DNAH14: variants seen among roughly 807,000 people sequenced by gnomAD.
The protein encoded by DNAH14 is dynein axonemal heavy chain 14.
DNAH14 carries 478 observed loss-of-function variants against 520.9 expected under a neutral mutation model. That is an observed-to-expected ratio of 0.92 (90% CI 0.85 to 0.99). The LOEUF (loss-of-function observed/expected upper bound fraction) is 0.99. Ranked by LOEUF, DNAH14 falls within the 50% of genes least tolerant of loss-of-function variation. The pLI, the probability that DNAH14 is intolerant of heterozygous loss-of-function variation, is 0.00. For synonymous variants in DNAH14, 1,581 were observed against 1,757.2 expected, an observed-to-expected ratio of 0.90 and a Z score of 2.51; for missense variants, 4,831 against 5,234.5, an observed-to-expected ratio of 0.92 and a Z score of 2.38.
At chr1:225,112,626 C>T (rs11487462) in intron 23 of DNAH14, among the ~76,000 whole-genome samples, 7,364 of 151,972 alleles carry the variant, frequency 0.048, 515 homozygotes, top group African/African-American at 0.16. Flanking sequence ...TTTTATTTTT[C>T]TAGCTGCTAT....
intron 71 of DNAH14, among the ~76,000 whole-genome samples, chr1:225,348,151 A>C (rs987397834): frequency 1.3e-5 from 2 of 152,184 alleles, no homozygotes; most frequent in African/African-American, 4.8e-5. Context: ...ACTTGAAGAC[A>C]GGTCATTTGA....
intron 8 of DNAH14, among the ~76,000 whole-genome samples, chr1:224,988,369 A>T (rs2062801566): frequency 6.6e-6 from 1 of 152,150 alleles, no homozygotes; most frequent in African/African-American, 2.4e-5. Flanking sequence ...CATTCATGAA[A>T]AAGCTCAACA....
At chr1:225,328,879 A>G (rs1373639632) in intron 64 of DNAH14, among the ~76,000 whole-genome samples, 1 of 152,208 alleles carries the variant, frequency 6.6e-6, no homozygotes, top group Non-Finnish European at 1.5e-5. Flanking sequence ...GAAAGTGCAA[A>G]CAACCCATAA....
chr1:225,113,984 A>G (rs1188083849), intron 23 of DNAH14, among the ~76,000 whole-genome samples: 3 of 152,220 alleles, frequency 2.0e-5, no homozygotes, highest in African/African-American at 7.2e-5. Context: ...ATTGTAGCCA[A>G]GCTGGTACCT....
At chr1:225,389,359 G>T (rs1300316398) in intron 82 of DNAH14, among the ~76,000 whole-genome samples, 1 of 152,220 alleles carries the variant, frequency 6.6e-6, no homozygotes, top group Non-Finnish European at 1.5e-5. Context: ...GTGCCAGGCT[G>T]CTTCCTATAC....
intron 8 of DNAH14, among the ~76,000 whole-genome samples, chr1:224,985,436 T>C (rs1252127268): frequency 6.6e-6 from 1 of 151,898 alleles, no homozygotes; most frequent in East Asian, 1.9e-4. Context: ...AGCATAAGAA[T>C]GATACAATGG....
In DNAH14 at chr1:225,398,539, C is replaced by G. The variant is rs1274932841; in HGVS notation, c.13511C>G (p.Thr4504Ser). 5.8e-6 allele frequency: 9 copies of G among 1,551,576 alleles called. No homozygotes were observed. Among genetic ancestry groups the G allele is most frequent in the Non-Finnish European group, 7.8e-6 (9 of 1,146,966 alleles). The change falls in exon 85 of 86, where the codon ACT becomes AGT. Residue 4504 changes from threonine (T) to serine (S), a missense_variant. Coordinates refer to ENST00000682510, the MANE Select transcript of DNAH14 (RefSeq NM_001367479.1). ...TCTTAGGGCTCAGCTTCCTCTCACA[C>G]TGGAGTTTACATTTTTGGTTTATTC... ...RAFKGSASSH[T>S]GVYIFGLFIE...
rs574098608 is a variant in DNAH14 at position 224,967,572 on chromosome 1, T to C, written c.640T>C (p.Phe214Leu). Reference sequence around the variant, plus strand: ...AGAATTTTGGGTTATTACTGCTTCATTTATCTCAAAGGTAATGTTTAATGG... The same window carrying C: ...AGAATTTTGGGTTATTACTGCTTCACTTATCTCAAAGGTAATGTTTAATGG... The part of the protein sequence containing the change: ...CKEFWVITAS[F>L]ISKVINIVGS... The change falls in exon 6 of 86, where the codon TTT becomes CTT. Residue 214 changes from phenylalanine (F) to leucine (L), a missense_variant. Transcript: ENST00000682510. 3.1e-6 allele frequency: 5 copies of C among 1,602,768 alleles called. No homozygotes were observed. The Admixed American group carries it at 8.7e-5, about 28-fold the overall frequency.
rs532438104 is a variant in DNAH14, at chr1:225,260,504, G to A, written c.7157+1251G>A. Among the ~76,000 whole-genome samples the A allele has an allele frequency of 9.2e-5, 14 of 152,138 alleles. No individual in the cohort carries two copies. The South Asian group carries it at 2.7e-3, about 29-fold the overall frequency. ...GGTTTATTTCTGGGCCCTTTATCCT[G>A]TTTCATTGGTCTATATGTTGGTTAT... On this transcript the variant is annotated intron_variant, in intron 46 of 85. Coordinates refer to ENST00000682510, the MANE Select transcript of DNAH14 (RefSeq NM_001367479.1).
At chr1:225,334,635 T>C (rs546612091) in intron 66 of DNAH14, among the ~76,000 whole-genome samples, 2 of 152,300 alleles carry the variant, frequency 1.3e-5, no homozygotes, top group East Asian at 3.9e-4. Flanking sequence ...TTTTTCAATA[T>C]TATCCATTAT....
chr1:224,974,249 A>T, intron 8 of DNAH14, 96 bp downstream of exon 8: 1 of 776,798 alleles, frequency 1.3e-6, no homozygotes, highest in Non-Finnish European at 1.9e-6. Context: ...TCATTCAGTG[A>T]TTAGAAAGTC....
intron 21 of DNAH14, among the ~76,000 whole-genome samples, chr1:225,091,549 A>G (rs997419849): frequency 1.3e-5 from 2 of 152,186 alleles, no homozygotes; most frequent in African/African-American, 2.4e-5. Flanking sequence ...ATTTGTTACC[A>G]CCAAACCTGC....
chr1:225,082,171 G>GT (rs140150743), intron 19 of DNAH14, among the ~76,000 whole-genome samples: 1 of 145,322 alleles, frequency 6.9e-6, no homozygotes, highest in African/African-American at 2.5e-5. Context: ...GAATGTTTGT[G>GT]GTGTGTGTGT....
chr1:225,009,037 A>G (rs975798804), intron 10 of DNAH14, among the ~76,000 whole-genome samples: 1 of 151,174 alleles, frequency 6.6e-6, no homozygotes. Flanking sequence ...GATTGTAAAA[A>G]TTTTCTCCCA....
At chr1:225,257,906 AGGTG>A in intron 44 of DNAH14, 50 bp from the exon 45 acceptor site, 1 of 1,074,886 alleles carries the variant, frequency 9.3e-7, no homozygotes, top group East Asian at 2.8e-5. Context: ...AAAAAAGATG[AGGTG>A]AATAGTACTT....
At chr1:225,055,055 T>C (rs1044766707) in intron 17 of DNAH14, among the ~76,000 whole-genome samples, 5 of 152,112 alleles carry the variant, frequency 3.3e-5, no homozygotes, top group Non-Finnish European at 5.9e-5. Context: ...CCTCTTTTTT[T>C]TTTACTGTGT....
rs2095990291 is a variant in DNAH14 at position 225,395,233 on chromosome 1, A to G, written c.13491+2782A>G. ...CAATATGATTTATTAAAAGATCCTA[A>G]GGTTGAATCATCTTAATTGTAATAT... On this transcript the variant is annotated intron_variant, in intron 84 of 85. Transcript: ENST00000682510. Among the ~76,000 whole-genome samples, 4 of 152,230 alleles carry G rather than the reference A, an allele frequency of 2.6e-5. No homozygotes were observed. In the South Asian group the frequency reaches 8.3e-4, roughly 32 times the overall value.
chr1:225,131,719 A>T (rs1468606673), intron 27 of DNAH14, among the ~76,000 whole-genome samples: 3 of 152,220 alleles, frequency 2.0e-5, no homozygotes, highest in African/African-American at 7.2e-5. Flanking sequence ...CATATTTGCT[A>T]GAGCTAATTA....
chr1:225,094,678 A>C (rs1558937118), intron 21 of DNAH14, among the ~76,000 whole-genome samples: 1 of 83,644 alleles, frequency 1.2e-5, no homozygotes, highest in Non-Finnish European at 2.0e-5. Flanking sequence ...AAAAAAAAAA[A>C]CAACAAAACA....
Sources: allele counts gnomAD v4.1 joint callset (sites outside exome capture counted in the v4.1 genomes callset), GRCh38; gene constraint gnomAD v4.1.1; transcripts MANE v1.5; gene names NCBI Gene and HGNC (gene_info 2026-07-23, HGNC 2026-07-21).